RPL31: variants seen among roughly 807,000 people sequenced by gnomAD.
RPL31 encodes the protein large ribosomal subunit protein eL31.
For synonymous variants in RPL31, 51 were observed against 55.0 expected (o/e 0.93, Z 0.32); for missense variants, 95 against 164.0 (o/e 0.58, Z 2.30).
chr2:101,005,983 G>A lies in RPL31; in HGVS notation c.258G>A (p.Val86=). Residue 86 remains valine, a synonymous_variant, in exon 4 of 5, where the codon GTG becomes GTA. Coordinates refer to ENST00000264258, the MANE Select transcript of RPL31 (RefSeq NM_000993.5). ...GGAATGTGCCATACCGAATCCGTGT[G>A]CGGCTGTCCAGAAAACGTAATGAGG... ...GIRNVPYRIR[V]RLSRKRNEDE... is the part of the protein sequence containing the mutation. 1 of 1,613,238 alleles carries A rather than the reference G, an allele frequency of 6.2e-7. No individual in the cohort carries two copies. The highest frequency in any genetic ancestry group is 8.5e-7 in the Non-Finnish European group (1 of 1,180,000).
At chr2:101,017,756 A>G (rs1219553464) in intron 4 of RPL31, 15 of 1,315,978 alleles carry the variant, frequency 1.1e-5, no homozygotes, top group Non-Finnish European at 1.6e-5. Flanking sequence ...CAAGTGACAA[A>G]AAGGATAAGA....
chr2:101,013,296 A>C (rs1168025846), intron 4 of RPL31, among the ~76,000 whole-genome samples: 1 of 152,230 alleles, frequency 6.6e-6, no homozygotes, highest in Non-Finnish European at 1.5e-5. Context: ...GAAGGATAGG[A>C]TATTATGCAT....
At chr2:101,010,476 A>G (rs1679118056), downstream of RPL31, among the ~76,000 whole-genome samples, 1 of 152,192 alleles carries the variant, frequency 6.6e-6, no homozygotes, top group Non-Finnish European at 1.5e-5. Context: ...TATCTGAAGT[A>G]TCTTCAGTTG....
At chr2:101,003,036 G>A (rs772177973) in intron 2 of RPL31, among the ~76,000 whole-genome samples, 5 of 152,170 alleles carry the variant, frequency 3.3e-5, no homozygotes, top group Non-Finnish European at 5.9e-5. Context: ...GCCGAATGCG[G>A]ACAGCAGCAG....
rs1678741931 is a variant in RPL31, at chr2:101,006,443, T to TTGTTCTTTTTAGTATACAA, written c.*62_*63insTGTTCTTTTTAGTATACAA. The TTGTTCTTTTTAGTATACAA allele has an allele frequency of 4.7e-6, 7 of 1,480,916 alleles. No individual in the cohort carries two copies. The highest frequency in any genetic ancestry group is 6.5e-6 in the Non-Finnish European group (7 of 1,078,916). The allele number at this position is 1,480,916 out of a possible 1,614,324, so 91.7% of individuals were successfully genotyped here. On this transcript the variant is annotated 3_prime_UTR_variant, in exon 5 of 5. Transcript: ENST00000264258. ...CCTTCATGTTTTTGTTCTTTTTAGT[T>TTGTTCTTTTTAGTATACAA]GCAACATAATGTACTTGTATACCCT...
At chr2:101,014,586 C>T in intron 4 of RPL31, among the ~76,000 whole-genome samples, 1 of 152,216 alleles carries the variant, frequency 6.6e-6, no homozygotes, top group South Asian at 2.1e-4. Flanking sequence ...ATCATTTAGC[C>T]AATCTGCTTC....
downstream of RPL31, chr2:101,010,920 A>T: frequency 6.2e-7 from 1 of 1,607,464 alleles, no homozygotes; most frequent in East Asian, 2.2e-5. Context: ...CACTGAAGAA[A>T]GTCCATACCT....
rs1678635932 is a variant in RPL31, at chr2:101,004,149, GA to G, written c.108-7del. On this transcript the variant is annotated splice_polypyrimidine_tract_variant and splice_region_variant and intron_variant, in intron 2 of 4. Coordinates refer to ENST00000264258, the MANE Select transcript of RPL31 (RefSeq NM_000993.5). ...TCCTTTAATTTGTTCACTTATGTTT[GA>G]ATCGTAGGGGCTTCAAGAAGCGTGC... 3.7e-6 allele frequency: 6 copies of G among 1,612,116 alleles called. No individual in the cohort carries two copies. The highest frequency in any genetic ancestry group is 1.1e-5 in the South Asian group (1 of 90,696).
downstream of RPL31, among the ~76,000 whole-genome samples, chr2:101,009,011 A>G (rs1678968036): frequency 6.6e-5 from 10 of 152,192 alleles, no homozygotes; most frequent in Admixed American, 6.5e-4. Flanking sequence ...GTGTAATCTG[A>G]GACACTGCTG....
chr2:101,010,199 G>A (rs1310461348), downstream of RPL31, among the ~76,000 whole-genome samples: 1 of 152,166 alleles, frequency 6.6e-6, no homozygotes. Context: ...TATGGAACCT[G>A]AATATGGCAC....
chr2:101,008,125 C>T (rs1678880464), downstream of RPL31: 2 of 1,613,770 alleles, frequency 1.2e-6, no homozygotes, highest in Non-Finnish European at 1.7e-6. Flanking sequence ...CTCCTGGGAG[C>T]AGCTTCCAGA....
intron 4 of RPL31, chr2:101,018,288 A>G (rs1194122360): frequency 5.6e-6 from 1 of 179,536 alleles, no homozygotes; most frequent in African/African-American, 2.4e-5. Context: ...TTTTATCAGT[A>G]TGTGTTAATA....
chr2:101,019,082 T>C lies in RPL31; in HGVS notation c.*44T>C, dbSNP rs751933542. 24 of 1,587,932 alleles carry C rather than the reference T, an allele frequency of 1.5e-5. 1 individual carries two copies. In the South Asian group the frequency reaches 2.8e-4, roughly 18 times the overall value. Reference sequence around the variant, plus strand: ...TGGATGAGGCCTTGGGTCTCGGCTCTTCATTGCTTCCTGAGCTGCAGCAGA... The same window carrying C: ...TGGATGAGGCCTTGGGTCTCGGCTCCTCATTGCTTCCTGAGCTGCAGCAGA... On this transcript the variant is annotated 3_prime_UTR_variant, in exon 5 of 5. Coordinates refer to the RPL31 transcript ENST00000409028.
intron 2 of RPL31, 80 bp from the exon 3 acceptor site, chr2:101,004,077 TC>T (rs1438041603): frequency 4.7e-6 from 7 of 1,485,676 alleles, no homozygotes; most frequent in Non-Finnish European, 5.5e-6. Context: ...CAGGAGCCTA[TC>T]ATCGACATTG....
Position 101,002,901 on chromosome 2 carries a change from T to G in RPL31, c.107+93T>G, listed in dbSNP as rs566074230. 2.6e-5 allele frequency: 23 copies of G among 894,424 alleles called. No homozygotes were observed. In the African/African-American group the frequency reaches 3.6e-4, roughly 14 times the overall value. The allele number at this position is 894,424 out of a possible 1,614,324, so 55.4% of individuals were successfully genotyped here. The stretch of plus-strand genomic sequence containing the variant: ...AATCACCTCCACCCCAATCTTTTCC[T>G]CTTGTGGCCTTCCCTGTTTCATTCA... On this transcript the variant is annotated intron_variant, in intron 2 of 4. Coordinates refer to ENST00000264258, the MANE Select transcript of RPL31 (RefSeq NM_000993.5).
downstream of RPL31, chr2:101,011,416 T>C (rs1209655485): frequency 1.9e-6 from 3 of 1,608,518 alleles, no homozygotes; most frequent in East Asian, 2.2e-5. Flanking sequence ...TGCAGTGGTA[T>C]GCAGGGGAAA....
At chr2:101,008,603 T>G (rs972788632), downstream of RPL31, among the ~76,000 whole-genome samples, 7 of 150,818 alleles carry the variant, frequency 4.6e-5, no homozygotes, top group Non-Finnish European at 7.4e-5. Flanking sequence ...TCACCTGAGG[T>G]TGGGAGTCAG....
chr2:101,009,515 C>T (rs980492123), downstream of RPL31, among the ~76,000 whole-genome samples: 8 of 151,708 alleles, frequency 5.3e-5, no homozygotes, highest in South Asian at 2.1e-4. Context: ...GAACATGGCC[C>T]GTTTTGTTTG....
At chr2:101,016,132 A>G (rs1487968649) in intron 4 of RPL31, among the ~76,000 whole-genome samples, 5 of 152,248 alleles carry the variant, frequency 3.3e-5, no homozygotes, top group Non-Finnish European at 7.3e-5. Flanking sequence ...CAGAGTGAAC[A>G]CGCAATCTTC....
Sources: gnomAD v4.1 joint callset for allele counts (sites outside exome capture counted in the v4.1 genomes callset) on GRCh38, gnomAD v4.1.1 for gene constraint, MANE v1.5 for transcripts, NCBI Gene and HGNC (gene_info 2026-07-23, HGNC 2026-07-21) for gene names.